EIF4ENIF1: variants seen among roughly 807,000 people sequenced by gnomAD.
The protein encoded by EIF4ENIF1 is eukaryotic translation initiation factor 4E nuclear import factor 1.
A neutral mutation model predicts 110.5 loss-of-function variants in EIF4ENIF1; 23 were observed. That is an observed-to-expected ratio of 0.21 (90% CI 0.15 to 0.29). EIF4ENIF1 has a LOEUF of 0.29. EIF4ENIF1 is among the 10% of genes least tolerant of loss of function. EIF4ENIF1 has a pLI of 1.00. For synonymous variants in EIF4ENIF1, 440 were observed against 437.0 expected, an observed-to-expected ratio of 1.01 and a Z score of -0.09; for missense variants, 1,031 against 1,221.1, an observed-to-expected ratio of 0.84 and a Z score of 2.32.
At chr22:31,456,503 A>ATG (rs2050834631) in intron 7 of EIF4ENIF1, among the ~76,000 whole-genome samples, 3 of 151,326 alleles carry the variant, frequency 2.0e-5, no homozygotes, top group Admixed American at 6.6e-5. Context: ...GATTACAAGC[A>ATG]TGAGCCACCA....
downstream of EIF4ENIF1, chr22:31,439,346 A>T (rs1322782661): frequency 1.3e-5 from 2 of 153,632 alleles, no homozygotes. Context: ...GAGAGGAAAT[A>T]AACACAACAA....
At chr22:31,437,437 T>A (rs1247347773), downstream of EIF4ENIF1, 1 of 140,490 alleles carries the variant, frequency 7.1e-6, no homozygotes, top group African/African-American at 2.6e-5. Context: ...CATTAATGTG[T>A]CTTTTGCCTT....
chr22:31,473,906 T>C (rs5753638), intron 2 of EIF4ENIF1, among the ~76,000 whole-genome samples: 8,734 of 152,262 alleles, frequency 0.057, 640 homozygotes, highest in East Asian at 0.39. Flanking sequence ...TAATGATTCT[T>C]GACCAAACCA....
At chr22:31,455,395 C>CA in intron 8 of EIF4ENIF1, 80 bp from the exon 9 acceptor site, 9 of 809,878 alleles carry the variant, frequency 1.1e-5, no homozygotes, top group Non-Finnish European at 1.3e-5. Flanking sequence ...TTCTTTCTTT[C>CA]TTTTTTTTTT....
intron 3 of EIF4ENIF1, among the ~76,000 whole-genome samples, chr22:31,471,605 T>C (rs1313335266): frequency 6.6e-6 from 1 of 152,210 alleles, no homozygotes; most frequent in African/African-American, 2.4e-5. Context: ...TAAGCCACCA[T>C]GCCCTGTCGG....
intron 2 of EIF4ENIF1, among the ~76,000 whole-genome samples, chr22:31,476,633 A>G (rs1023115397): frequency 2.0e-5 from 3 of 152,116 alleles, no homozygotes; most frequent in Non-Finnish European, 4.4e-5. Flanking sequence ...GGTGGCTCAC[A>G]CATGTAATCA....
intron 18 of EIF4ENIF1, 26 bp downstream of exon 18, chr22:31,440,678 C>T (rs1397586107): frequency 3.7e-6 from 6 of 1,606,852 alleles, no homozygotes; most frequent in South Asian, 3.3e-5. Context: ...CCGTCCCAAA[C>T]TCACCTGTCA....
chr22:31,490,273 A>C (rs942933409), upstream of EIF4ENIF1, among the ~76,000 whole-genome samples: 1 of 152,220 alleles, frequency 6.6e-6, no homozygotes, highest in African/African-American at 2.4e-5. Flanking sequence ...CTGTATTTGC[A>C]TGGTTCGCAT....
upstream of EIF4ENIF1, among the ~76,000 whole-genome samples, chr22:31,490,669 C>T (rs2052244479): frequency 6.6e-6 from 1 of 152,146 alleles, no homozygotes; most frequent in Non-Finnish European, 1.5e-5. Flanking sequence ...AGTGCAGACT[C>T]AGGCTGACAG....
At chr22:31,444,918 C>A in intron 14 of EIF4ENIF1, among the ~76,000 whole-genome samples, 1 of 152,178 alleles carries the variant, frequency 6.6e-6, no homozygotes, top group African/African-American at 2.4e-5. Context: ...CTCAGTCTAG[C>A]GGGGGAGACA....
chr22:31,450,120 C>T (rs542823256), intron 11 of EIF4ENIF1, among the ~76,000 whole-genome samples, 169 bp downstream of exon 11: 1 of 152,282 alleles, frequency 6.6e-6, no homozygotes, highest in East Asian at 1.9e-4. Flanking sequence ...TATCCCCTGC[C>T]CATTGAGATT....
downstream of EIF4ENIF1, among the ~76,000 whole-genome samples, chr22:31,438,237 A>ATAAG (rs542738490): frequency 6.6e-6 from 1 of 152,226 alleles, no homozygotes; most frequent in African/African-American, 2.4e-5. Flanking sequence ...AGCATGGGAA[A>ATAAG]TAAGTATCAC....
chr22:31,485,676 T>C (rs1353811379), intron 2 of EIF4ENIF1, among the ~76,000 whole-genome samples: 2 of 149,420 alleles, frequency 1.3e-5, no homozygotes, highest in Non-Finnish European at 3.0e-5. Context: ...TGGTGGTGCA[T>C]GCCTGTAATC....
chr22:31,484,033 A>G (rs1357415774), intron 2 of EIF4ENIF1, among the ~76,000 whole-genome samples: 1 of 152,230 alleles, frequency 6.6e-6, no homozygotes, highest in Non-Finnish European at 1.5e-5. Context: ...TCTGAACCCC[A>G]AAGAATAACT....
At chr22:31,447,685 G>A (rs987198557) in intron 13 of EIF4ENIF1, 120 bp from the exon 14 acceptor site, 9 of 1,053,300 alleles carry the variant, frequency 8.5e-6, no homozygotes, top group South Asian at 3.6e-5. Context: ...TAGATACTGC[G>A]AAACTGACTA....
chr22:31,455,302 G>A lies in EIF4ENIF1; in HGVS notation c.1113C>T (p.Ala371=), dbSNP rs758295861. 1.3e-6 allele frequency: 2 copies of A among 1,594,964 alleles called. No individual in the cohort carries two copies. The highest frequency in any genetic ancestry group is 1.7e-6 in the Non-Finnish European group (2 of 1,170,898). ...CCGAGTTCTGTCCAGGAGAGAGGAT[G>A]GCTTGCTCCAGACCTGATATTGCAA... ...ELERLAGLEQ[A]ILSPGQNSGN... The change falls in exon 9 of 19, where the codon GCC becomes GCT. Residue 371 remains alanine, a synonymous_variant. Coordinates refer to ENST00000330125, the MANE Select transcript of EIF4ENIF1 (RefSeq NM_019843.4).
chr22:31,472,684 T>TA (rs1446242376), intron 2 of EIF4ENIF1, among the ~76,000 whole-genome samples: 1 of 152,154 alleles, frequency 6.6e-6, no homozygotes, highest in Non-Finnish European at 1.5e-5. Context: ...TGCAGAATTT[T>TA]AAAAAAATTG....
At chr22:31,467,537 G>C (rs1649509151) in intron 4 of EIF4ENIF1, among the ~76,000 whole-genome samples, 1 of 152,118 alleles carries the variant, frequency 6.6e-6, no homozygotes, top group Admixed American at 6.6e-5. Context: ...AGAATTGCCA[G>C]AACTAGGCCG....
At chr22:31,468,512 A>G (rs867039197) in intron 3 of EIF4ENIF1, among the ~76,000 whole-genome samples, 1 of 152,156 alleles carries the variant, frequency 6.6e-6, no homozygotes, top group South Asian at 2.1e-4. Flanking sequence ...CTTCTGCCTC[A>G]GCCTCACCAG....
Sources: gnomAD v4.1 joint callset for allele counts (sites outside exome capture counted in the v4.1 genomes callset) on GRCh38, gnomAD v4.1.1 for gene constraint, MANE v1.5 for transcripts, NCBI Gene and HGNC (gene_info 2026-07-23, HGNC 2026-07-21) for gene names.